The following PCDH15 variants were observed in gnomAD, a reference collection of about 807,000 sequenced individuals.
The protein encoded by PCDH15 is protocadherin-15.
PCDH15 carries 129 observed loss-of-function variants against 178.5 expected under a neutral mutation model. That is an observed-to-expected ratio of 0.72 (90% CI 0.63 to 0.84). PCDH15 has a LOEUF of 0.84. Among genes scored for constraint, PCDH15 ranks in the 40% least tolerant of loss-of-function variants. The pLI, the probability that PCDH15 is intolerant of heterozygous loss-of-function variation, is 0.00. For missense variants in PCDH15, 2,230 were observed against 2,099.9 expected, an observed-to-expected ratio of 1.06 and a Z score of -1.21; for synonymous variants, 800 against 732.0, an observed-to-expected ratio of 1.09 and a Z score of -1.50.
At chr10:54,284,627 A>G (rs974727682) in intron 8 of PCDH15, among the ~76,000 whole-genome samples, 2 of 152,204 alleles carry the variant, frequency 1.3e-5, no homozygotes, top group African/African-American at 4.8e-5. Flanking sequence ...GAATTTTCAG[A>G]TAGAGTGTAA....
intron 21 of PCDH15, among the ~76,000 whole-genome samples, chr10:53,983,974 C>A (rs2090888351): frequency 6.6e-6 from 1 of 152,022 alleles, no homozygotes; most frequent in Non-Finnish European, 1.5e-5. Flanking sequence ...TACTTCAGGG[C>A]CTGATTCTTT....
At chr10:54,307,739 T>C (rs2060644085) in intron 8 of PCDH15, among the ~76,000 whole-genome samples, 1 of 152,090 alleles carries the variant, frequency 6.6e-6, no homozygotes, top group Admixed American at 6.6e-5. Flanking sequence ...CCTTTAAAAA[T>C]CCAAAATAAT....
intron 34 of PCDH15, among the ~76,000 whole-genome samples, chr10:53,817,516 CT>C (rs1244097701): frequency 7.2e-4 from 95 of 131,952 alleles, no homozygotes; most frequent in Admixed American, 4.0e-3. Flanking sequence ...TTTTCTTTTT[CT>C]TTTTTTTTTC....
chr10:54,754,303 T>C (rs1946766296), intron 1 of PCDH15, among the ~76,000 whole-genome samples: 1 of 152,174 alleles, frequency 6.6e-6, no homozygotes, highest in Admixed American at 6.5e-5. Context: ...TCAACGAACA[T>C]TGAGCCAAGG....
At chr10:53,934,563 A>C (rs2085390881) in intron 25 of PCDH15, among the ~76,000 whole-genome samples, 1 of 150,656 alleles carries the variant, frequency 6.6e-6, no homozygotes, top group Admixed American at 6.6e-5. Flanking sequence ...ACGCCACTGC[A>C]CTCCAGCTTG....
At chr10:54,468,336 C>T (rs923940600) in intron 3 of PCDH15, among the ~76,000 whole-genome samples, 1 of 151,372 alleles carries the variant, frequency 6.6e-6, no homozygotes, top group Non-Finnish European at 1.5e-5. Flanking sequence ...TTTCTGAATA[C>T]CATAGTTTTT....
At chr10:55,345,543 T>C (rs976570350) in intron 2 of PCDH15, among the ~76,000 whole-genome samples, 3 of 152,114 alleles carry the variant, frequency 2.0e-5, no homozygotes, top group Admixed American at 6.6e-5. Context: ...ATCAGACCTA[T>C]ATGATTGCTG....
In PCDH15 at chr10:54,147,826, A is replaced by ATT. The variant is rs201866916; in HGVS notation, c.1784+5273_1784+5274insAA. Among the ~76,000 whole-genome samples, 721 of 152,120 alleles carry ATT rather than the reference A, an allele frequency of 4.7e-3. 18 individuals are homozygous for ATT. In the East Asian group the frequency reaches 0.094, roughly 20 times the overall value. On this transcript the variant is annotated intron_variant, in intron 14 of 37. Transcript: ENST00000644397. Reference sequence around the variant, plus strand: ...AGTTTTCCTCCACAACAGTAACTACAAAGATTATAGATATGAAACAGTGGA... The same window carrying ATT: ...AGTTTTCCTCCACAACAGTAACTACATTAAGATTATAGATATGAAACAGTGGA...
chr10:54,404,614 C>T (rs553484846), intron 3 of PCDH15, among the ~76,000 whole-genome samples: 1 of 152,090 alleles, frequency 6.6e-6, no homozygotes, highest in East Asian at 1.9e-4. Context: ...ACCAAGATGC[C>T]AAAAGCAACT....
intron 7 of PCDH15, among the ~76,000 whole-genome samples, chr10:54,325,506 T>G (rs563483423): frequency 1.3e-3 from 204 of 152,198 alleles, no homozygotes; most frequent in Non-Finnish European, 1.9e-3. Flanking sequence ...CCCAACACTT[T>G]GGGAGGCTGA....
At chr10:55,012,025 A>AT (rs1840058528) in intron 2 of PCDH15, among the ~76,000 whole-genome samples, 1 of 152,042 alleles carries the variant, frequency 6.6e-6, no homozygotes, top group Non-Finnish European at 1.5e-5. Flanking sequence ...TTGAAAAACC[A>AT]TTTCTCCCTT....
At chr10:54,408,052 CAAAAAAAAAA>C (rs71461239) in intron 3 of PCDH15, among the ~76,000 whole-genome samples, 1 of 83,728 alleles carries the variant, frequency 1.2e-5, no homozygotes, top group Admixed American at 1.4e-4. Flanking sequence ...GAGACTCTGT[CAAAAAAAAAA>C]AAAAAAAAGG....
At chr10:54,416,151 T>C (rs969401864) in intron 3 of PCDH15, among the ~76,000 whole-genome samples, 10 of 151,920 alleles carry the variant, frequency 6.6e-5, no homozygotes, top group Non-Finnish European at 1.3e-4. Context: ...ACACATAAAA[T>C]TTTTAAAATT....
intron 2 of PCDH15, among the ~76,000 whole-genome samples, chr10:55,514,259 C>G (rs1228996036): frequency 6.6e-6 from 1 of 152,018 alleles, no homozygotes; most frequent in Non-Finnish European, 1.5e-5. Flanking sequence ...AAGATTGAAG[C>G]GTGCATTTTT....
chr10:55,093,479 T>A (rs569295175), intron 2 of PCDH15, among the ~76,000 whole-genome samples: 5 of 152,240 alleles, frequency 3.3e-5, no homozygotes, highest in Non-Finnish European at 5.9e-5. Context: ...GCTCTTTAGT[T>A]GAATTAGATC....
chr10:54,746,300 A>G (rs1018671558), intron 1 of PCDH15, among the ~76,000 whole-genome samples: 2 of 152,148 alleles, frequency 1.3e-5, no homozygotes, highest in African/African-American at 4.8e-5. Context: ...TTGTCTGTTA[A>G]GATATACTGC....
chr10:55,303,292 C>A (rs1302154701), intron 1 of PCDH15, among the ~76,000 whole-genome samples: 1 of 152,150 alleles, frequency 6.6e-6, no homozygotes, highest in Non-Finnish European at 1.5e-5. Context: ...GCTAAAATTT[C>A]ATTACTGAAG....
At chr10:54,867,798 A>T (rs1953966257) in intron 3 of PCDH15, among the ~76,000 whole-genome samples, 1 of 152,148 alleles carries the variant, frequency 6.6e-6, no homozygotes, top group Admixed American at 6.6e-5. Context: ...ATATCTATAT[A>T]CAAATACCTA....
At chr10:55,413,309 T>C (rs1199001671) in intron 2 of PCDH15, among the ~76,000 whole-genome samples, 47 of 151,698 alleles carry the variant, frequency 3.1e-4, no homozygotes, top group Admixed American at 3.1e-3. Context: ...GGGATAAAGA[T>C]TCCTCTTTTC....
Sources: gnomAD v4.1 joint callset for allele counts (sites outside exome capture counted in the v4.1 genomes callset) on GRCh38, gnomAD v4.1.1 for gene constraint, MANE v1.5 for transcripts, NCBI Gene and HGNC (gene_info 2026-07-23, HGNC 2026-07-21) for gene names.